Variants in SULF2 observed in about 807,000 individuals in gnomAD.
SULF2 encodes the protein sulfatase 2, also known as extracellular sulfatase Sulf-2.
A neutral mutation model predicts 107.7 loss-of-function variants in SULF2; 52 were observed. The observed-to-expected ratio is 0.48, with a 90% confidence interval of 0.39 to 0.61. SULF2 has a LOEUF of 0.61. Among genes scored for constraint, SULF2 ranks in the 20% least tolerant of loss-of-function variants. The pLI is 0.00. For synonymous variants in SULF2, 460 were observed against 464.3 expected (o/e 0.99, Z 0.12); for missense variants, 993 against 1,177.3 (o/e 0.84, Z 2.29).
intron 11 of SULF2, among the ~76,000 whole-genome samples, chr20:47,667,071 T>C (rs1175183939): frequency 6.6e-6 from 1 of 152,202 alleles, no homozygotes; most frequent in African/African-American, 2.4e-5. Flanking sequence ...TGTGCAACAC[T>C]GTGAACCTAT....
chr20:47,757,163 T>TG lies in SULF2; in HGVS notation c.175+25dup, dbSNP rs765409581. The TG allele has an allele frequency of 7.2e-6, 11 of 1,534,938 alleles. No individual in the cohort carries two copies. In the East Asian group the frequency reaches 2.5e-4, roughly 34 times the overall value. ...GGGACCCTGCTCCGAGGGGCCGAGG[T>TG]GCCACCCTGGGGCCCCGAGGCTTAC... On this transcript the variant is annotated intron_variant, in intron 2 of 20. Coordinates refer to ENST00000688720, the MANE Select transcript of SULF2 (RefSeq NM_001387048.1).
At chr20:47,786,307 A>C (rs2090931297), upstream of SULF2, 1 of 152,118 alleles carries the variant, frequency 6.6e-6, no homozygotes, top group African/African-American at 2.4e-5. Flanking sequence ...TCGGAGCTGG[A>C]GGGAGCCAAA....
chr20:47,754,413 A>G lies in SULF2; in HGVS notation c.175+2776T>C, dbSNP rs188505377. Among the ~76,000 whole-genome samples, 123 of 152,314 alleles carry G rather than the reference A, an allele frequency of 8.1e-4. 1 individual carries two copies. Among genetic ancestry groups the G allele is most frequent in the Middle Eastern group, 6.8e-3 (2 of 294 alleles). On this transcript the variant is annotated intron_variant, in intron 2 of 20. Coordinates refer to ENST00000688720, the MANE Select transcript of SULF2 (RefSeq NM_001387048.1). ...TGTATTGGGCTTTTTTGGGACATGC[A>G]TTATTGATCTGGGTCTGTCTAGTGG...
intron 1 of SULF2, among the ~76,000 whole-genome samples, chr20:47,776,408 A>G (rs1205726447): frequency 6.6e-6 from 1 of 152,158 alleles, no homozygotes; most frequent in African/African-American, 2.4e-5. Context: ...GGGTTGGAAG[A>G]TCCCCACATC....
intron 11 of SULF2, among the ~76,000 whole-genome samples, chr20:47,671,962 G>A (rs1259396296): frequency 4.6e-5 from 7 of 152,084 alleles, no homozygotes; most frequent in African/African-American, 9.7e-5. Context: ...TGCCTGCCTC[G>A]GACTCCCAAA....
chr20:47,675,719 G>C (rs1440524568), intron 10 of SULF2, among the ~76,000 whole-genome samples: 1 of 151,938 alleles, frequency 6.6e-6, no homozygotes. Flanking sequence ...CCAAGGCAGA[G>C]TTTCCATCCC....
intron 18 of SULF2, 56 bp from the exon 19 acceptor site, chr20:47,659,786 C>A (rs1433173715): frequency 2.2e-6 from 3 of 1,337,232 alleles, no homozygotes; most frequent in Non-Finnish European, 3.2e-6. Flanking sequence ...GGCAAAACAA[C>A]CCCAACACAC....
rs200802000 is a variant in SULF2, at chr20:47,775,999, C to T, written c.-101+9344G>A. Among the ~76,000 whole-genome samples the T allele has an allele frequency of 9.9e-5, 15 of 152,182 alleles. 1 individual carries two copies. The East Asian group carries it at 1.7e-3, about 18-fold the overall frequency. ...ACGTGGGCCAGGCAGATAATGTAAACGGGTGAAGTGGACGCATAAGAAAAC... is the reference window on the plus strand; with the variant it reads ...ACGTGGGCCAGGCAGATAATGTAAATGGGTGAAGTGGACGCATAAGAAAAC... On this transcript the variant is annotated intron_variant, in intron 1 of 20. Transcript: ENST00000688720.
intron 3 of SULF2, 41 bp from the exon 4 acceptor site, chr20:47,702,711 C>T (rs1435756060): frequency 1.2e-6 from 2 of 1,603,908 alleles, no homozygotes; most frequent in Non-Finnish European, 1.7e-6. Context: ...TGAGAAAGTG[C>T]CTGACGATGT....
rs1369292015 is a variant in SULF2 at position 47,678,861 on chromosome 20, G to A, written c.1065-57C>T. 3.0e-5 allele frequency: 46 copies of A among 1,537,882 alleles called. No individual in the cohort carries two copies. The highest frequency in any genetic ancestry group is 4.1e-5 in the Non-Finnish European group (46 of 1,120,824). On this transcript the variant is annotated intron_variant, in intron 7 of 20. Transcript: ENST00000688720. This position sits in a 1 kb window ranked among gnomAD's most constrained non-coding sequence, Gnocchi z 4.5. ...ACTCAGGTGGTGGTGCCTCAGCCTC[G>A]CGTGGGGGGTGGGGAGCGGTAGGTG...
chr20:47,667,959 A>T (rs956082710), intron 11 of SULF2, among the ~76,000 whole-genome samples: 1 of 152,216 alleles, frequency 6.6e-6, no homozygotes, highest in Non-Finnish European at 1.5e-5. Flanking sequence ...AAGGATCCTG[A>T]GGGGCCGGGA....
chr20:47,737,137 C>T (rs965913134), intron 2 of SULF2, among the ~76,000 whole-genome samples, 195 bp from the exon 3 acceptor site: 11 of 152,098 alleles, frequency 7.2e-5, no homozygotes, highest in African/African-American at 2.7e-4. Flanking sequence ...GTCCCGAGTC[C>T]ACCTGGACAC....
chr20:47,716,753 C>T (rs897306749), intron 3 of SULF2, among the ~76,000 whole-genome samples: 7 of 152,044 alleles, frequency 4.6e-5, no homozygotes, highest in South Asian at 4.2e-4. Flanking sequence ...CCCAGCACTT[C>T]GGGAGGCCAA....
intron 1 of SULF2, among the ~76,000 whole-genome samples, chr20:47,780,011 T>C (rs2090796767): frequency 7.0e-6 from 1 of 142,830 alleles, no homozygotes; most frequent in Admixed American, 7.2e-5. Context: ...TCTACCCTAG[T>C]TGACTTTTTT....
At chr20:47,695,733 C>G (rs111247139) in intron 4 of SULF2, among the ~76,000 whole-genome samples, 41 of 152,338 alleles carry the variant, frequency 2.7e-4, no homozygotes, top group African/African-American at 3.6e-4. Context: ...CCTGCCTCAG[C>G]CTCCCAAGTA....
In SULF2 at chr20:47,695,875, A is replaced by AGGGTTAGGGTTAGG. The variant is rs2088359292; in HGVS notation, c.568-5581_568-5580insCCTAACCCTAACCC. Among the ~76,000 whole-genome samples, 7 of 152,378 alleles carry AGGGTTAGGGTTAGG rather than the reference A, an allele frequency of 4.6e-5. No homozygotes were observed. The South Asian group carries it at 1.4e-3, about 32-fold the overall frequency. ...TGATCCGCCTGGTTTGGCCTCCCAA[A>AGGGTTAGGGTTAGG]GTGCTGGGATTACAGGCATGAACCA... is the stretch of plus-strand genomic sequence containing the variant. On this transcript the variant is annotated intron_variant, in intron 4 of 20. Transcript: ENST00000688720.
At chr20:47,665,699 A>G (rs756992537) in intron 13 of SULF2, among the ~76,000 whole-genome samples, 158 bp downstream of exon 13, 8 of 152,138 alleles carry the variant, frequency 5.3e-5, no homozygotes, top group Non-Finnish European at 1.2e-4. Context: ...TCATGCTGGG[A>G]CTGACACCTA....
upstream of SULF2, chr20:47,785,495 A>G: frequency 1.3e-5 from 2 of 152,246 alleles, no homozygotes; most frequent in Non-Finnish European, 2.7e-5. Context: ...TCCCCCGGCG[A>G]GCGCTGCTGC....
At position 47,678,940 on chromosome 20, in the gene SULF2, A is replaced by G; in HGVS notation, c.1065-136T>C. On this transcript the variant is annotated intron_variant, in intron 7 of 20. Transcript: ENST00000688720. The surrounding 1 kb of genome is among the most constrained non-coding windows in gnomAD (Gnocchi z 4.5). ...GCAGGTATGGAAGCTGCAGTCTGGC[A>G]CCTCAACCTCAGCAGCTCCCCTCTG... 1 of 721,024 alleles carries G rather than the reference A, an allele frequency of 1.4e-6. No individual in the cohort carries two copies. The highest frequency in any genetic ancestry group is 2.6e-5 in the East Asian group (1 of 38,486). 44.7% of individuals were successfully genotyped at this position (721,024 alleles called of 1,614,324 possible).
Sources: allele counts gnomAD v4.1 joint callset (sites outside exome capture counted in the v4.1 genomes callset), GRCh38; gene constraint gnomAD v4.1.1; non-coding constraint Gnocchi (gnomAD v3.1); transcripts MANE v1.5; gene names NCBI Gene and HGNC (gene_info 2026-07-23, HGNC 2026-07-21).